The following H3-3A variants were observed in gnomAD, a reference collection of about 807,000 sequenced individuals.
H3-3A encodes the protein H3.3 histone A.
For missense variants in H3-3A, 7 were observed against 184.0 expected (o/e 0.04, Z 5.57); for synonymous variants, 49 against 61.4 (o/e 0.80, Z 0.95).
In H3-3A at chr1:226,071,651, T is replaced by A. The variant is rs1379666148; in HGVS notation, c.*172T>A. 5.3e-6 allele frequency: 2 copies of A among 377,506 alleles called. No individual in the cohort carries two copies. The highest frequency in any genetic ancestry group is 4.9e-5 in the African/African-American group (2 of 40,594). The allele number at this position is 377,506 out of a possible 1,614,324, so 23.4% of individuals were successfully genotyped here. A position where few individuals can be genotyped will look rare whatever the true frequency, so the allele number is the denominator to read the frequency against. ...GGGGACAGAAATCAGGTATTGGCAG[T>A]TTTTCCATTTTCATTTGTGTGTGAA... On this transcript the variant is annotated 3_prime_UTR_variant, in exon 4 of 4. Coordinates refer to ENST00000366815, the MANE Select transcript of H3-3A (RefSeq NM_002107.7).
chr1:226,068,465 G>C (rs1657995600), intron 3 of H3-3A, among the ~76,000 whole-genome samples: 1 of 152,124 alleles, frequency 6.6e-6, no homozygotes, highest in African/African-American at 2.4e-5. Context: ...GTAATCCCGA[G>C]GTGCCAGGTT....
upstream of H3-3A, among the ~76,000 whole-genome samples, chr1:226,062,303 C>A (rs1386500045): frequency 6.7e-6 from 1 of 150,130 alleles, no homozygotes; most frequent in African/African-American, 2.4e-5. Flanking sequence ...GCCGGGCGTT[C>A]ACCCGCCGCG....
intron 1 of H3-3A, among the ~76,000 whole-genome samples, chr1:226,063,230 G>T (rs976879210): frequency 1.8e-4 from 27 of 152,024 alleles, no homozygotes; most frequent in Admixed American, 1.3e-4. Context: ...CGCACCCTGG[G>T]GTAACTCGCT....
At chr1:226,070,715 G>A (rs946562405) in intron 3 of H3-3A, among the ~76,000 whole-genome samples, 3 of 152,190 alleles carry the variant, frequency 2.0e-5, no homozygotes, top group Non-Finnish European at 4.4e-5. Context: ...GGAGGTTGCA[G>A]TGAGCCGAGA....
chr1:226,064,275 A>G, intron 1 of H3-3A, 54 bp from the exon 2 acceptor site: 4 of 1,292,880 alleles, frequency 3.1e-6, no homozygotes, highest in Non-Finnish European at 4.4e-6. Flanking sequence ...TGGCAGGAAA[A>G]GTTGTATGTT....
At chr1:226,064,531 C>T (rs2036870) in intron 2 of H3-3A, 52 bp downstream of exon 2, 1,475,391 of 1,480,082 alleles carry the variant, frequency 1, 735,481 homozygotes, top group East Asian at 1. Flanking sequence ...TATGTATCCA[C>T]ATAATTTAAC....
chr1:226,063,740 G>T (rs537970405), intron 1 of H3-3A, among the ~76,000 whole-genome samples: 3 of 152,302 alleles, frequency 2.0e-5, no homozygotes, highest in Middle Eastern at 3.4e-3. Flanking sequence ...AGCCTGTGAG[G>T]ACTGGACGCG....
At chr1:226,064,206 A>G (rs1657843824) in intron 1 of H3-3A, 123 bp from the exon 2 acceptor site, 1 of 673,484 alleles carries the variant, frequency 1.5e-6, no homozygotes, top group Admixed American at 3.2e-5. Flanking sequence ...ATTATATAAC[A>G]ATACGAACAT....
At chr1:226,067,011 T>G (rs925194467) in intron 3 of H3-3A, 5 of 152,218 alleles carry the variant, frequency 3.3e-5, no homozygotes, top group African/African-American at 1.2e-4. Flanking sequence ...ACTTAAAACT[T>G]TATTTTCTGT....
intron 3 of H3-3A, among the ~76,000 whole-genome samples, chr1:226,069,201 C>G (rs1424783450): frequency 6.6e-6 from 1 of 152,084 alleles, no homozygotes; most frequent in Non-Finnish European, 1.5e-5. Flanking sequence ...CACATGCCAC[C>G]ACGCCCAGCT....
At chr1:226,069,153 T>G (rs1658017154) in intron 3 of H3-3A, among the ~76,000 whole-genome samples, 3 of 151,868 alleles carry the variant, frequency 2.0e-5, no homozygotes, top group Admixed American at 2.0e-4. Context: ...TTCAAGCAAT[T>G]CTCCTGTCTC....
intron 3 of H3-3A, among the ~76,000 whole-genome samples, chr1:226,070,823 A>G (rs994501783): frequency 6.6e-6 from 1 of 152,192 alleles, no homozygotes; most frequent in Non-Finnish European, 1.5e-5. Flanking sequence ...TCTGGAATCA[A>G]AAGTACTCTT....
intron 3 of H3-3A, among the ~76,000 whole-genome samples, chr1:226,069,971 A>G (rs914968957): frequency 6.6e-6 from 1 of 152,132 alleles, no homozygotes; most frequent in Non-Finnish European, 1.5e-5. Flanking sequence ...TCCTCTTCAC[A>G]AGTTAAGTGT....
intron 2 of H3-3A, among the ~76,000 whole-genome samples, chr1:226,065,001 G>A (rs1657877449): frequency 6.6e-6 from 1 of 152,202 alleles, no homozygotes; most frequent in African/African-American, 2.4e-5. Context: ...GGCAGAAGTT[G>A]CCTAGACTTA....
intron 3 of H3-3A, chr1:226,066,581 G>A (rs747361929): frequency 2.6e-5 from 4 of 152,184 alleles, no homozygotes; most frequent in East Asian, 1.9e-4. Context: ...GTATGTAGAC[G>A]TCATTAACAT....
intron 3 of H3-3A, among the ~76,000 whole-genome samples, chr1:226,067,697 G>T (rs953856377): frequency 3.3e-5 from 5 of 151,710 alleles, no homozygotes; most frequent in Non-Finnish European, 5.9e-5. Context: ...AGCCGAGATG[G>T]CGCCATTGCA....
Position 226,062,741 on chromosome 1 carries a change from C to CCGCGCCGCCGT in H3-3A, c.-90_-80dup, listed in dbSNP as rs1405503789. ...CTTTCAATTGTGTTCGCAGCCGCCG[C>CCGCGCCGCCGT]CGCGCCGCCGTCGCTCTCCAACGCC... On this transcript the variant is annotated 5_prime_UTR_variant, in exon 1 of 4. Transcript: ENST00000366815. 6.0e-6 allele frequency: 1 copy of CCGCGCCGCCGT among 166,518 alleles called. No individual in the cohort carries two copies. The highest frequency in any genetic ancestry group is 1.4e-5 in the Non-Finnish European group (1 of 73,884). 10.3% of individuals were successfully genotyped at this position (166,518 alleles called of 1,614,324 possible).
At chr1:226,070,575 C>T (rs1004771944) in intron 3 of H3-3A, among the ~76,000 whole-genome samples, 13 of 152,086 alleles carry the variant, frequency 8.5e-5, no homozygotes, top group African/African-American at 3.1e-4. Flanking sequence ...AGTTCGAGAC[C>T]AGCCTGACCA....
At chr1:226,064,179 A>T in intron 1 of H3-3A, 150 bp from the exon 2 acceptor site, 1 of 574,414 alleles carries the variant, frequency 1.7e-6, no homozygotes, top group East Asian at 3.1e-5. Context: ...GGGTAGACGT[A>T]ATCTTCACCC....
Sources: gnomAD v4.1 joint callset for allele counts (sites outside exome capture counted in the v4.1 genomes callset) on GRCh38, gnomAD v4.1.1 for gene constraint, MANE v1.5 for transcripts, NCBI Gene and HGNC (gene_info 2026-07-23, HGNC 2026-07-21) for gene names.